Variants in PHF14 observed in about 807,000 individuals in gnomAD.
PHF14 encodes the protein PHD finger protein 14.
In PHF14, 55 loss-of-function variants were observed where a neutral mutation model predicts 117.9. That is an observed-to-expected ratio of 0.47 (90% CI 0.38 to 0.58). The LOEUF (loss-of-function observed/expected upper bound fraction) is 0.58, where lower values mean the gene tolerates loss of function less well. Among genes scored for constraint, PHF14 ranks in the 20% least tolerant of loss-of-function variants. The pLI is 0.00. For synonymous variants in PHF14, 409 were observed against 368.6 expected, an observed-to-expected ratio of 1.11 and a Z score of -1.26; for missense variants, 978 against 1,122.2, an observed-to-expected ratio of 0.87 and a Z score of 1.84.
chr7:10,985,963 A>AT (rs1782210646), intron 3 of PHF14, among the ~76,000 whole-genome samples: 1 of 151,426 alleles, frequency 6.6e-6, no homozygotes. Context: ...TCATTTTAAA[A>AT]TTTTTTAAAT....
chr7:11,148,255 C>T (rs955443828), intron 17 of PHF14, among the ~76,000 whole-genome samples: 1 of 152,182 alleles, frequency 6.6e-6, no homozygotes, highest in Non-Finnish European at 1.5e-5. Context: ...TTCTTAAACC[C>T]TCCAGTGGCT....
Position 11,008,039 on chromosome 7 carries a change from C to T in PHF14, c.1046-5708C>T, listed in dbSNP as rs1783188158. Among the ~76,000 whole-genome samples the T allele has an allele frequency of 4.6e-5, 7 of 152,024 alleles. No individual in the cohort carries two copies. In the South Asian group the frequency reaches 1.5e-3, roughly 32 times the overall value. On this transcript the variant is annotated intron_variant, in intron 4 of 17. Coordinates refer to ENST00000634607, the MANE Select transcript of PHF14 (RefSeq NM_001007157.2). The stretch of plus-strand genomic sequence containing the variant: ...TACCTCTGACCGTGATGTCACTTAT[C>T]CTGATATCCTGATTGTAGTGTGTCT...
chr7:10,995,241 C>G (rs1232357782), intron 4 of PHF14, among the ~76,000 whole-genome samples: 5 of 151,204 alleles, frequency 3.3e-5, no homozygotes, highest in Non-Finnish European at 1.5e-5. Context: ...TAGCTAGATA[C>G]AGAGTGCTGA....
rs1782075960 is a variant in PHF14 at position 10,982,516 on chromosome 7, A to T, written c.257A>T (p.Glu86Val). The T allele has an allele frequency of 1.3e-6, 2 of 1,544,820 alleles. No individual in the cohort carries two copies. Among genetic ancestry groups the T allele is most frequent in the East Asian group, 4.6e-5 (2 of 43,404 alleles). The part of the protein sequence containing the change: ...VKEEQLKNSA[E>V]EEVLSSEKQL... ...GAAGAACAACTTAAAAATTCTGCAG[A>T]GGAAGAAGTACTATCATCAGAAAAA... Residue 86 changes from glutamate (E) to valine (V), a missense_variant, in exon 3 of 18, where the codon GAG (glutamate) becomes GTG (valine). Physicochemically the swap from Glu to Val is moderately radical, Grantham distance 121. Transcript: ENST00000634607.
intron 14 of PHF14, among the ~76,000 whole-genome samples, chr7:11,057,701 T>A (rs1785065444): frequency 6.6e-6 from 1 of 152,158 alleles, no homozygotes; most frequent in East Asian, 1.9e-4. Flanking sequence ...AGTTGCCTGC[T>A]AGATAAGATA....
At chr7:11,131,910 T>C (rs1429774103) in intron 17 of PHF14, among the ~76,000 whole-genome samples, 1 of 151,868 alleles carries the variant, frequency 6.6e-6, no homozygotes, top group Non-Finnish European at 1.5e-5. Context: ...CAAAAGCCAA[T>C]TGCTTTCTTA....
At chr7:11,099,163 A>G (rs940293850) in intron 16 of PHF14, among the ~76,000 whole-genome samples, 1 of 152,018 alleles carries the variant, frequency 6.6e-6, no homozygotes, top group South Asian at 2.1e-4. Flanking sequence ...TACTTGGTAT[A>G]TTTTTTCTAT....
Position 11,103,208 on chromosome 7 carries a change from A to G in PHF14, c.2655-8142A>G, listed in dbSNP as rs554019131. ...GAAAGCATTAATATTATTAGCATGA[A>G]ATTTTTACTTCAGATTTTAAGCTCA... On this transcript the variant is annotated intron_variant, in intron 16 of 17. Transcript: ENST00000634607. 4.2e-6 allele frequency: 4 copies of G among 957,712 alleles called. No homozygotes were observed. In the East Asian group the frequency reaches 3.5e-4, roughly 83 times the overall value. The allele number at this position is 957,712 out of a possible 1,614,324, so 59.3% of individuals were successfully genotyped here.
chr7:11,087,061 T>C (rs1166349159), intron 16 of PHF14, among the ~76,000 whole-genome samples: 1 of 152,212 alleles, frequency 6.6e-6, no homozygotes, highest in Non-Finnish European at 1.5e-5. Flanking sequence ...ATAAAATAAA[T>C]AAGGGTATAC....
intron 16 of PHF14, among the ~76,000 whole-genome samples, chr7:11,098,455 C>T (rs1169447266): frequency 6.6e-6 from 1 of 152,132 alleles, no homozygotes; most frequent in African/African-American, 2.4e-5. Context: ...CCCTCTCTGT[C>T]TGCCTTGCCT....
intron 3 of PHF14, among the ~76,000 whole-genome samples, chr7:10,987,912 A>G (rs1782280195): frequency 6.6e-6 from 1 of 150,598 alleles, no homozygotes; most frequent in African/African-American, 2.4e-5. Context: ...GCTACTCGGG[A>G]GGCTGAGGCA....
At chr7:11,042,218 CTGTT>C (rs1015841389) in intron 12 of PHF14, among the ~76,000 whole-genome samples, 11 of 151,792 alleles carry the variant, frequency 7.2e-5, no homozygotes, top group African/African-American at 1.2e-4. Flanking sequence ...ATGTTGAAGA[CTGTT>C]TGAAAGGTTT....
chr7:11,111,637 G>GA (rs1787450179), intron 17 of PHF14, among the ~76,000 whole-genome samples, 170 bp downstream of exon 17: 1 of 151,446 alleles, frequency 6.6e-6, no homozygotes. Flanking sequence ...TTAAATTAAG[G>GA]AAAAAACAAC....
At chr7:10,999,245 G>A (rs1205822755) in intron 4 of PHF14, among the ~76,000 whole-genome samples, 2 of 152,102 alleles carry the variant, frequency 1.3e-5, no homozygotes, top group African/African-American at 4.8e-5. Flanking sequence ...TGATAGTAAG[G>A]CCTGTGGTCT....
At chr7:11,019,097 C>T (rs1783634745) in intron 5 of PHF14, among the ~76,000 whole-genome samples, 2 of 152,046 alleles carry the variant, frequency 1.3e-5, no homozygotes, top group Admixed American at 6.6e-5. Context: ...CCTACTTGGT[C>T]ATAATGATCT....
chr7:11,161,711 T>C (rs1789034031), intron 17 of PHF14, among the ~76,000 whole-genome samples: 1 of 147,956 alleles, frequency 6.8e-6, no homozygotes, highest in Non-Finnish European at 1.5e-5. Context: ...AATATTATAT[T>C]TTATTTAAAT....
chr7:11,167,937 A>C (rs1414403465), intron 17 of PHF14, among the ~76,000 whole-genome samples: 1 of 151,798 alleles, frequency 6.6e-6, no homozygotes. Context: ...GAGGCAGGAG[A>C]ATGGCGTGAA....
chr7:11,071,980 G>T (rs576707651), intron 16 of PHF14, among the ~76,000 whole-genome samples: 1 of 152,180 alleles, frequency 6.6e-6, no homozygotes, highest in Admixed American at 6.6e-5. Context: ...TTGAGAGGCA[G>T]TACTGTAAAA....
intron 8 of PHF14, 74 bp from the exon 9 acceptor site, chr7:11,036,344 A>G (rs1784326377): frequency 1.6e-6 from 2 of 1,255,674 alleles, no homozygotes; most frequent in Admixed American, 4.8e-5. Flanking sequence ...ATGGGAATAA[A>G]AATCAATGTA....
Sources: gnomAD v4.1 joint callset for allele counts (sites outside exome capture counted in the v4.1 genomes callset) on GRCh38, gnomAD v4.1.1 for gene constraint, MANE v1.5 for transcripts, NCBI Gene and HGNC (gene_info 2026-07-23, HGNC 2026-07-21) for gene names.